The following EHBP1 variants were observed in gnomAD, a reference collection of about 807,000 sequenced individuals.
EHBP1 encodes EH domain binding protein 1.
Under a neutral mutation model 144.0 loss-of-function variants are expected in EHBP1, and 55 were observed. That is an observed-to-expected ratio of 0.38 (90% CI 0.31 to 0.48). The LOEUF is 0.48. Ranked by LOEUF, EHBP1 falls within the 20% of genes least tolerant of loss-of-function variation. The pLI, the probability that EHBP1 is intolerant of heterozygous loss-of-function variation, is 0.98. For missense variants in EHBP1, 1,200 were observed against 1,364.2 expected (o/e 0.88, Z 1.90); for synonymous variants, 469 against 472.7 (o/e 0.99, Z 0.10).
Position 62,870,102 on chromosome 2 carries a change from CA to C in EHBP1, c.999-4240del, listed in dbSNP as rs1167066933. Among the ~76,000 whole-genome samples, 18 of 152,170 alleles carry C rather than the reference CA, an allele frequency of 1.2e-4. No homozygotes were observed. In the East Asian group the frequency reaches 2.3e-3, roughly 20 times the overall value. On this transcript the variant is annotated intron_variant, in intron 9 of 22. Coordinates refer to ENST00000431489, the MANE Select transcript of EHBP1 (RefSeq NM_001142616.3). Reference sequence around the variant, plus strand: ...AATGCAGGTTGAAAGGAAAATATTTCAAAACACTCTATATGTGGGTTGAGAG... The same window carrying C: ...AATGCAGGTTGAAAGGAAAATATTTCAAACACTCTATATGTGGGTTGAGAG...
intron 7 of EHBP1, among the ~76,000 whole-genome samples, chr2:62,841,632 T>C (rs1231183657): frequency 6.6e-6 from 1 of 152,242 alleles, no homozygotes; most frequent in Admixed American, 6.5e-5. Context: ...TTTTGCTAAT[T>C]CTTTTCAATA....
Position 62,852,734 on chromosome 2 carries a change from A to G in EHBP1, c.635-6435A>G, listed in dbSNP as rs190226822. Among the ~76,000 whole-genome samples the G allele has an allele frequency of 9.3e-4, 142 of 152,292 alleles. 2 individuals are homozygous for G. The East Asian group carries it at 0.025, about 27-fold the overall frequency. On this transcript the variant is annotated intron_variant, in intron 7 of 22. Transcript: ENST00000431489. Reference sequence around the variant, plus strand: ...TCAGTCATGAGACTGGTAATCACTTAACAGTGATCCTACACTCCATTATAT... The same window carrying G: ...TCAGTCATGAGACTGGTAATCACTTGACAGTGATCCTACACTCCATTATAT...
At chr2:62,928,854 AAAG>A (rs1353669297) in intron 10 of EHBP1, among the ~76,000 whole-genome samples, 120 of 151,802 alleles carry the variant, frequency 7.9e-4, no homozygotes, top group Non-Finnish European at 5.9e-5. Flanking sequence ...AAAAAAAAAA[AAAG>A]AGAAAAGGCT....
At chr2:62,853,393 T>C (rs1386728333) in intron 7 of EHBP1, among the ~76,000 whole-genome samples, 2 of 152,260 alleles carry the variant, frequency 1.3e-5, no homozygotes, top group Non-Finnish European at 2.9e-5. Context: ...TTTCAGGTTT[T>C]ATCATGAGAT....
At chr2:63,008,573 A>C (rs1202090694) in intron 19 of EHBP1, among the ~76,000 whole-genome samples, 2 of 149,614 alleles carry the variant, frequency 1.3e-5, no homozygotes, top group Non-Finnish European at 3.0e-5. Context: ...CTTTTTTTTT[A>C]ATTTGTAAGG....
At chr2:62,931,246 C>A (rs1382017830) in intron 10 of EHBP1, among the ~76,000 whole-genome samples, 1 of 152,138 alleles carries the variant, frequency 6.6e-6, no homozygotes, top group Non-Finnish European at 1.5e-5. Context: ...AGAACACATA[C>A]AGATAGCCAA....
At chr2:62,728,542 C>CT (rs1289226839) in intron 2 of EHBP1, among the ~76,000 whole-genome samples, 4 of 152,052 alleles carry the variant, frequency 2.6e-5, no homozygotes, top group South Asian at 2.1e-4. Context: ...ATTTACATGT[C>CT]TTTTTTGGAG....
intron 2 of EHBP1, among the ~76,000 whole-genome samples, chr2:62,717,953 G>A (rs1300409025): frequency 1.3e-5 from 2 of 152,034 alleles, no homozygotes; most frequent in Admixed American, 6.5e-5. Context: ...GTTTATTGGC[G>A]GCCAAGGCAA....
chr2:62,762,500 A>G (rs1400842165), intron 3 of EHBP1, among the ~76,000 whole-genome samples: 1 of 152,230 alleles, frequency 6.6e-6, no homozygotes, highest in Non-Finnish European at 1.5e-5. Context: ...TGTGTGTGAA[A>G]TGGAGCTTCT....
At chr2:62,835,730 C>T (rs1382957919) in intron 7 of EHBP1, among the ~76,000 whole-genome samples, 2 of 152,172 alleles carry the variant, frequency 1.3e-5, no homozygotes, top group African/African-American at 4.8e-5. Context: ...AAAGGGGTGA[C>T]GGATGCACCT....
rs1021256650 is a variant in EHBP1, at chr2:63,045,207, G to A, written c.3392+27G>A. Reference sequence around the variant, plus strand: ...TGAGTGGGCAGTGGGGTCGGGTCGAGGCTGGGCCACCTGCCGAGGGGCCGA... The same window carrying A: ...TGAGTGGGCAGTGGGGTCGGGTCGAAGCTGGGCCACCTGCCGAGGGGCCGA... On this transcript the variant is annotated intron_variant, in intron 22 of 22. Coordinates refer to ENST00000431489, the MANE Select transcript of EHBP1 (RefSeq NM_001142616.3). This position sits in a 1 kb window ranked among gnomAD's most constrained non-coding sequence, Gnocchi z 5.7. The A allele has an allele frequency of 6.4e-7, 1 of 1,551,918 alleles. No individual in the cohort carries two copies.
chr2:62,683,760 G>A (rs886963095), intron 1 of EHBP1, among the ~76,000 whole-genome samples: 1 of 151,864 alleles, frequency 6.6e-6, no homozygotes, highest in African/African-American at 2.4e-5. Context: ...AATGTCAGGT[G>A]GGCAAAACCA....
chr2:62,694,734 A>G (rs1487985340), intron 1 of EHBP1, among the ~76,000 whole-genome samples: 6 of 152,126 alleles, frequency 3.9e-5, no homozygotes, highest in Non-Finnish European at 1.5e-5. Context: ...GATGAGGCAA[A>G]TGAAGCAACT....
chr2:62,802,914 G>A (rs561669713), intron 5 of EHBP1, among the ~76,000 whole-genome samples: 12 of 152,032 alleles, frequency 7.9e-5, no homozygotes, highest in South Asian at 2.1e-4. Flanking sequence ...TAGTAGAGAC[G>A]GGGTTTCGCC....
chr2:62,896,464 G>A (rs1361983285), intron 10 of EHBP1, among the ~76,000 whole-genome samples: 6 of 152,084 alleles, frequency 3.9e-5, no homozygotes, highest in Non-Finnish European at 7.4e-5. Flanking sequence ...GAAAGGCAAC[G>A]TGATTTGTAA....
At chr2:63,018,546 T>C (rs973735512) in intron 19 of EHBP1, among the ~76,000 whole-genome samples, 1 of 152,232 alleles carries the variant, frequency 6.6e-6, no homozygotes, top group African/African-American at 2.4e-5. Flanking sequence ...GGTTCTCATT[T>C]CTAACATTTA....
intron 19 of EHBP1, among the ~76,000 whole-genome samples, chr2:63,023,055 TCCTAG>T (rs1212536185): frequency 6.6e-6 from 1 of 152,018 alleles, no homozygotes; most frequent in African/African-American, 2.4e-5. Context: ...GCACCTGTAA[TCCTAG>T]CCACAGAAGA....
intron 14 of EHBP1, among the ~76,000 whole-genome samples, chr2:62,964,277 G>A (rs2058136510): frequency 6.6e-6 from 1 of 152,152 alleles, no homozygotes; most frequent in Admixed American, 6.5e-5. Context: ...ATGAATGCAT[G>A]AAGCTAGGGC....
At chr2:62,803,236 A>G (rs78424484) in intron 5 of EHBP1, among the ~76,000 whole-genome samples, 9 of 105,082 alleles carry the variant, frequency 8.6e-5, no homozygotes, top group Non-Finnish European at 1.7e-4. Flanking sequence ...CCCTGTCTCA[A>G]AAAAAAAAAA....
Sources: allele counts gnomAD v4.1 joint callset (sites outside exome capture counted in the v4.1 genomes callset), GRCh38; gene constraint gnomAD v4.1.1; non-coding constraint Gnocchi (gnomAD v3.1); transcripts MANE v1.5; gene names NCBI Gene and HGNC (gene_info 2026-07-23, HGNC 2026-07-21).